The following ZBTB43 variants were observed in gnomAD, a reference collection of about 807,000 sequenced individuals.
ZBTB43 encodes zinc finger and BTB domain-containing protein 43.
A neutral mutation model predicts 31.1 loss-of-function variants in ZBTB43; 6 were observed. The observed-to-expected ratio is 0.19, with a 90% CI of 0.11 to 0.38. ZBTB43 has a LOEUF of 0.38. Ranked by LOEUF, ZBTB43 falls within the 10% of genes least tolerant of loss-of-function variation. The pLI, the probability that ZBTB43 is intolerant of heterozygous loss-of-function variation, is 1.00. For missense variants in ZBTB43, 379 were observed against 602.1 expected (o/e 0.63, Z 3.88); for synonymous variants, 212 against 221.7 (o/e 0.96, Z 0.39).
At chr9:126,804,529 G>C (rs1226933998), upstream of ZBTB43, among the ~76,000 whole-genome samples, 1 of 152,188 alleles carries the variant, frequency 6.6e-6, no homozygotes, top group Non-Finnish European at 1.5e-5. Flanking sequence ...TCTGTGCTCA[G>C]GCTGGAGTGC....
At chr9:126,828,851 C>T (rs1024154418) in intron 2 of ZBTB43, among the ~76,000 whole-genome samples, 1 of 151,546 alleles carries the variant, frequency 6.6e-6, no homozygotes, top group African/African-American at 2.4e-5. Context: ...TACAAAAAGC[C>T]CCACAGATCA....
chr9:126,815,671 T>C (rs951172231), intron 2 of ZBTB43, among the ~76,000 whole-genome samples: 14 of 143,786 alleles, frequency 9.7e-5, no homozygotes, highest in South Asian at 2.2e-4. Context: ...TTTTTTTTTT[T>C]CAATAGTTTC....
At chr9:126,809,944 T>G (rs900935977) in intron 2 of ZBTB43, among the ~76,000 whole-genome samples, 4 of 151,686 alleles carry the variant, frequency 2.6e-5, no homozygotes, top group South Asian at 2.1e-4. Context: ...CAAGCAGTTC[T>G]CTGCCTCAGC....
chr9:126,811,869 C>T (rs542287783), intron 2 of ZBTB43, among the ~76,000 whole-genome samples: 50 of 152,318 alleles, frequency 3.3e-4, no homozygotes, highest in Admixed American at 2.5e-3. Context: ...TGTGATCCAC[C>T]CACCTCGGCC....
intron 2 of ZBTB43, among the ~76,000 whole-genome samples, chr9:126,814,876 G>A (rs183743604): frequency 1.3e-4 from 20 of 151,888 alleles, no homozygotes; most frequent in Admixed American, 7.2e-4. Context: ...AAGTTGACAG[G>A]CCTTTCCGCC....
rs1268812541 is a variant in ZBTB43 at position 126,835,136 on chromosome 9, T to C, written c.*1223T>C. On this transcript the variant is annotated 3_prime_UTR_variant, in exon 3 of 3. Transcript: ENST00000373464. The stretch of plus-strand genomic sequence containing the variant: ...GTGTTTGTAAAAGGAGTCCTAAGTT[T>C]AGCAAGGTAGTCTACAGAACCATGC... 1 of 166,986 alleles carries C rather than the reference T, an allele frequency of 6.0e-6. No homozygotes were observed. The highest frequency in any genetic ancestry group is 1.5e-5 in the Non-Finnish European group (1 of 68,106). 10.3% of individuals were successfully genotyped at this position (166,986 alleles called of 1,614,324 possible). A position where few individuals can be genotyped will look rare whatever the true frequency, so the allele number is the denominator to read the frequency against.
Position 126,816,631 on chromosome 9 carries a change from G to A in ZBTB43, c.-24+7716G>A, listed in dbSNP as rs537420563. 1.1e-4 allele frequency among the ~76,000 whole-genome samples: 16 copies of A among 152,234 alleles called. No individual in the cohort carries two copies. The South Asian group carries it at 2.1e-3, about 20-fold the overall frequency. On this transcript the variant is annotated intron_variant, in intron 2 of 2. Coordinates refer to ENST00000373464, the MANE Select transcript of ZBTB43 (RefSeq NM_014007.4). ...CTTTTGGGTCCCTTGTTGTATACCC[G>A]AATATTGTTAGAATCAGCTCTTAGT...
At chr9:126,807,595 G>C (rs1011410200) in intron 1 of ZBTB43, among the ~76,000 whole-genome samples, 2 of 152,132 alleles carry the variant, frequency 1.3e-5, no homozygotes, top group Non-Finnish European at 2.9e-5. Context: ...TAATTGAAGA[G>C]TATCATTTTC....
intron 2 of ZBTB43, among the ~76,000 whole-genome samples, chr9:126,820,624 C>T (rs991299952): frequency 3.9e-5 from 6 of 152,146 alleles, no homozygotes; most frequent in Non-Finnish European, 8.8e-5. Flanking sequence ...ATCCATTCTG[C>T]AGCCCATGGA....
rs749857953 is a variant in ZBTB43, at chr9:126,833,351, C to T, written c.842C>T (p.Thr281Met). 4.3e-6 allele frequency: 7 copies of T among 1,612,872 alleles called. No homozygotes were observed. The highest frequency in any genetic ancestry group is 1.1e-5 in the South Asian group (1 of 90,896). ...ESINTVQTEHTVQPSGVEEDF... is the reference protein window; with the variant it reads ...ESINTVQTEHMVQPSGVEEDF... ...ATCAACACCGTGCAGACAGAGCACA[C>T]GGTGCAGCCTTCGGGAGTGGAGGAG... Residue 281 changes from threonine (T) to methionine (M), a missense_variant, in exon 3 of 3, where the codon ACG becomes ATG. Physicochemically the swap from Thr to Met is moderately conservative, Grantham distance 81. Transcript: ENST00000373464. The surrounding 1 kb of genome is among the most constrained non-coding windows in gnomAD (Gnocchi z 7.9).
intron 1 of ZBTB43, among the ~76,000 whole-genome samples, chr9:126,806,918 T>C (rs2032138763): frequency 1.3e-5 from 2 of 152,232 alleles, no homozygotes; most frequent in African/African-American, 4.8e-5. Flanking sequence ...AGTGCAAGAA[T>C]GTGCTCATAA....
chr9:126,805,385 C>T (rs1239433131), intron 1 of ZBTB43, among the ~76,000 whole-genome samples: 2 of 152,204 alleles, frequency 1.3e-5, no homozygotes, highest in Non-Finnish European at 2.9e-5. Context: ...CCCAAGGTCA[C>T]CCTCGCGGCG....
chr9:126,827,647 T>C (rs1399315465), intron 2 of ZBTB43, among the ~76,000 whole-genome samples: 3 of 152,236 alleles, frequency 2.0e-5, no homozygotes, highest in Admixed American at 2.0e-4. Flanking sequence ...TCCACCATTT[T>C]CCATAACCTC....
At chr9:126,831,845 CTACTTGGGA>C (rs1417397916) in intron 2 of ZBTB43, 1 of 151,302 alleles carries the variant, frequency 6.6e-6, no homozygotes, top group East Asian at 1.9e-4. Flanking sequence ...ATAATCCCAG[CTACTTGGGA>C]GGCCAAGGCA....
intron 2 of ZBTB43, among the ~76,000 whole-genome samples, chr9:126,809,805 A>G (rs2032202799): frequency 1.3e-5 from 2 of 152,190 alleles, no homozygotes; most frequent in Admixed American, 1.3e-4. Context: ...TTAAAAAAAT[A>G]AAATACATGT....
chr9:126,827,732 G>A (rs536565002), intron 2 of ZBTB43, among the ~76,000 whole-genome samples: 2 of 152,304 alleles, frequency 1.3e-5, no homozygotes, highest in Admixed American at 6.5e-5. Context: ...CAGAGGCCGG[G>A]CGAGGTGGCT....
chr9:126,822,242 G>A (rs1218844031), intron 2 of ZBTB43, among the ~76,000 whole-genome samples: 2 of 148,886 alleles, frequency 1.3e-5, no homozygotes, highest in African/African-American at 5.0e-5. Flanking sequence ...TTCTTCCACT[G>A]TGGCTCAGAG....
chr9:126,817,223 C>T (rs972851717), intron 2 of ZBTB43, among the ~76,000 whole-genome samples: 1 of 147,042 alleles, frequency 6.8e-6, no homozygotes, highest in African/African-American at 2.6e-5. Flanking sequence ...GAGATTTCCC[C>T]TCTTCAGCCT....
Position 126,837,511 on chromosome 9 carries a change from T to C in ZBTB43, c.*3598T>C, listed in dbSNP as rs979530024. On this transcript the variant is annotated 3_prime_UTR_variant, in exon 3 of 3. Coordinates refer to ENST00000373464, the MANE Select transcript of ZBTB43 (RefSeq NM_014007.4). The stretch of plus-strand genomic sequence containing the variant: ...GGAGCAGAAGCTGCAAAGCTGTGCT[T>C]TCCCTGGGGAAGGGGATGTGCTGCG... 6.0e-6 allele frequency: 1 copy of C among 167,138 alleles called. No homozygotes were observed. Among genetic ancestry groups the C allele is most frequent in the African/African-American group, 2.4e-5 (1 of 41,452 alleles). The allele number at this position is 167,138 out of a possible 1,614,324, so 10.4% of individuals were successfully genotyped here. A position where few individuals can be genotyped will look rare whatever the true frequency, so the allele number is the denominator to read the frequency against.
Sources: gnomAD v4.1 joint callset for allele counts (sites outside exome capture counted in the v4.1 genomes callset) on GRCh38, gnomAD v4.1.1 for gene constraint, Gnocchi (gnomAD v3.1) non-coding constraint, MANE v1.5 for transcripts, NCBI Gene and HGNC (gene_info 2026-07-23, HGNC 2026-07-21) for gene names.